DNAJB6: variants seen among roughly 807,000 people sequenced by gnomAD.
DNAJB6 encodes DnaJ heat shock protein family (Hsp40) member B6.
DNAJB6 carries 16 observed loss-of-function variants against 42.7 expected under a neutral mutation model. That is an observed-to-expected ratio of 0.37 (90% CI 0.25 to 0.57). DNAJB6 has a LOEUF of 0.57. Among genes scored for constraint, DNAJB6 ranks in the 20% least tolerant of loss-of-function variants. The probability of loss-of-function intolerance (pLI) is 0.74; values close to 1 mark genes in which losing one functional copy is unlikely to be tolerated. For synonymous variants in DNAJB6, 170 were observed against 163.5 expected (o/e 1.04, Z -0.30); for missense variants, 347 against 416.8 (o/e 0.83, Z 1.46).
intron 1 of DNAJB6, among the ~76,000 whole-genome samples, chr7:157,338,331 ACTTC>A (rs1435645217): frequency 1.4e-5 from 2 of 147,652 alleles, no homozygotes; most frequent in African/African-American, 5.0e-5. Context: ...TTTACTCCAG[ACTTC>A]CTTTTTTTTT....
At chr7:157,350,698 A>AT (rs11383046) in intron 1 of DNAJB6, among the ~76,000 whole-genome samples, 64,155 of 147,566 alleles carry the variant, frequency 0.43, 15,078 homozygotes, top group East Asian at 0.62. Context: ...TTTTTTTTTT[A>AT]TTTTTTTTTG....
chr7:157,358,472 C>T (rs1187854327), intron 1 of DNAJB6, 75 bp from the exon 2 acceptor site: 8 of 962,892 alleles, frequency 8.3e-6, no homozygotes, highest in African/African-American at 3.2e-5. Flanking sequence ...CTTCCTCCCT[C>T]TCCAGACCCA....
intron 8 of DNAJB6, among the ~76,000 whole-genome samples, chr7:157,403,431 T>A: frequency 6.6e-6 from 1 of 152,248 alleles, no homozygotes; most frequent in East Asian, 1.9e-4. Flanking sequence ...ACGGGGAATT[T>A]CCTTGTGCAC....
chr7:157,340,993 TGTGTGCGCG>T (rs1798337989), intron 1 of DNAJB6, among the ~76,000 whole-genome samples: 1 of 83,722 alleles, frequency 1.2e-5, no homozygotes, highest in Non-Finnish European at 2.7e-5. Context: ...TGTGTGTGTG[TGTGTGCGCG>T]CGCGCAGGTG....
intron 6 of DNAJB6, among the ~76,000 whole-genome samples, chr7:157,384,665 T>TC (rs1289650605): frequency 6.6e-6 from 1 of 151,974 alleles, no homozygotes; most frequent in East Asian, 1.9e-4. Context: ...TGCCCTAGAG[T>TC]CCCCACTCAG....
At chr7:157,344,995 A>G (rs1461059561) in intron 1 of DNAJB6, among the ~76,000 whole-genome samples, 2 of 151,692 alleles carry the variant, frequency 1.3e-5, no homozygotes, top group Non-Finnish European at 2.9e-5. Flanking sequence ...GTTTATTTTT[A>G]TTTATTTTAT....
At chr7:157,385,503 T>G (rs1160275359) in intron 7 of DNAJB6, 38 bp from the exon 8 acceptor site, 3 of 1,603,098 alleles carry the variant, frequency 1.9e-6, no homozygotes, top group East Asian at 4.5e-5. Flanking sequence ...TGCATTTTCT[T>G]TACCAGAAAG....
rs71717756 is a variant in DNAJB6 at position 157,357,288 on chromosome 7, G to GTCCTTCCT, written c.-26-1230_-26-1223dup. ...CGTCCTTCCTTCCGTCCTTCCTTCCGTCCTTCCTTCCTTCCTTCCTTCCTT... is the reference window on the plus strand; with the variant it reads ...CGTCCTTCCTTCCGTCCTTCCTTCCGTCCTTCCTTCCTTCCTTCCTTCCTTCCTTCCTT... On this transcript the variant is annotated intron_variant, in intron 1 of 9. Transcript: ENST00000262177. 1.2e-3 allele frequency among the ~76,000 whole-genome samples: 40 copies of GTCCTTCCT among 32,176 alleles called. 3 individuals are homozygous for GTCCTTCCT. The highest frequency in any genetic ancestry group is 2.5e-3 in the East Asian group (1 of 394). The allele number at this position is 32,176 out of a possible 152,430, so 21.1% of individuals were successfully genotyped here.
At chr7:157,364,194 G>C (rs754578555) in intron 3 of DNAJB6, among the ~76,000 whole-genome samples, 1 of 151,946 alleles carries the variant, frequency 6.6e-6, no homozygotes, top group Non-Finnish European at 1.5e-5. Context: ...GACAGTGCGA[G>C]ACTGTCTCCA....
At chr7:157,409,757 G>C (rs1325525080) in intron 8 of DNAJB6, 38 bp from the exon 9 acceptor site, 1 of 1,489,336 alleles carries the variant, frequency 6.7e-7, no homozygotes, top group Non-Finnish European at 8.9e-7. Context: ...GGCCGCCGCC[G>C]CTCACTCACG....
At position 157,340,981 on chromosome 7, in the gene DNAJB6, T is replaced by C. The variant is rs1239060428; in HGVS notation, c.-27+3837T>C. ...GCACCTGGCTGTGTGTGTGTGTGTG[T>C]GTGTGTGTGTGTGTGTGCGCGCGCG... On this transcript the variant is annotated intron_variant, in intron 1 of 9. Transcript: ENST00000262177. Among the ~76,000 whole-genome samples, 8 of 100,320 alleles carry C rather than the reference T, an allele frequency of 8.0e-5. No homozygotes were observed. The East Asian group carries it at 2.5e-3, about 32-fold the overall frequency. The allele number at this position is 100,320 out of a possible 152,430, so 65.8% of individuals were successfully genotyped here.
intron 5 of DNAJB6, chr7:157,368,652 T>C (rs768582750): frequency 1.3e-5 from 2 of 153,242 alleles, no homozygotes; most frequent in Non-Finnish European, 2.9e-5. Flanking sequence ...AGCTGTCTCC[T>C]GTTAGAGTCT....
At chr7:157,342,746 C>T (rs1184498977) in intron 1 of DNAJB6, among the ~76,000 whole-genome samples, 1 of 152,172 alleles carries the variant, frequency 6.6e-6, no homozygotes, top group African/African-American at 2.4e-5. Context: ...AGCCACCAAG[C>T]CTGGCCTATT....
intron 1 of DNAJB6, among the ~76,000 whole-genome samples, chr7:157,352,171 A>G (rs967430992): frequency 2.6e-5 from 4 of 152,018 alleles, no homozygotes; most frequent in East Asian, 1.9e-4. Context: ...CCTACTAAAA[A>G]TAGAAAAATT....
chr7:157,356,753 T>A (rs1799298502), intron 1 of DNAJB6, among the ~76,000 whole-genome samples: 1 of 152,214 alleles, frequency 6.6e-6, no homozygotes, highest in African/African-American at 2.4e-5. Context: ...TAAGTTGTAA[T>A]TTTAAAAATA....
At chr7:157,344,105 C>T (rs573205918) in intron 1 of DNAJB6, among the ~76,000 whole-genome samples, 3 of 152,188 alleles carry the variant, frequency 2.0e-5, no homozygotes, top group South Asian at 2.1e-4. Flanking sequence ...CTTTGGGAGG[C>T]CAAGGTGGTC....
intron 1 of DNAJB6, among the ~76,000 whole-genome samples, chr7:157,338,599 G>A (rs956367618): frequency 6.6e-6 from 1 of 152,202 alleles, no homozygotes; most frequent in African/African-American, 2.4e-5. Context: ...CTCCCAAAGT[G>A]TTGGGATTAG....
chr7:157,359,942 G>T (rs1271914880), intron 2 of DNAJB6, among the ~76,000 whole-genome samples: 1 of 152,258 alleles, frequency 6.6e-6, no homozygotes, highest in Non-Finnish European at 1.5e-5. Context: ...CACTAGTAGA[G>T]TGAGGTTTCC....
At chr7:157,359,875 C>A (rs998302903) in intron 2 of DNAJB6, among the ~76,000 whole-genome samples, 3 of 152,138 alleles carry the variant, frequency 2.0e-5, no homozygotes, top group Non-Finnish European at 2.9e-5. Flanking sequence ...AAACCTCTGC[C>A]GAGGAACCTA....
Sources: gnomAD v4.1 joint callset for allele counts (sites outside exome capture counted in the v4.1 genomes callset) on GRCh38, gnomAD v4.1.1 for gene constraint, MANE v1.5 for transcripts, NCBI Gene and HGNC (gene_info 2026-07-23, HGNC 2026-07-21) for gene names.